LRRC4C: variants seen among roughly 807,000 people sequenced by gnomAD.
LRRC4C encodes the protein leucine-rich repeat-containing protein 4C.
LRRC4C carries 5 observed loss-of-function variants against 33.6 expected under a neutral mutation model. The observed-to-expected ratio is 0.15, with a 90% CI of 0.08 to 0.31. The LOEUF (loss-of-function observed/expected upper bound fraction) is 0.31. Ranked by LOEUF, LRRC4C falls within the 10% of genes least tolerant of loss-of-function variation. LRRC4C has a pLI of 1.00. For missense variants in LRRC4C, 560 were observed against 796.7 expected (o/e 0.70, Z 3.58); for synonymous variants, 329 against 302.0 (o/e 1.09, Z -0.93).
At chr11:40,871,712 C>A (rs1379706903) in intron 2 of LRRC4C, among the ~76,000 whole-genome samples, 7 of 152,140 alleles carry the variant, frequency 4.6e-5, no homozygotes, top group Non-Finnish European at 8.8e-5. Context: ...TCCCCACTCT[C>A]CTGCAGCTTC....
At chr11:41,404,564 C>CACA (rs375465500) in intron 1 of LRRC4C, among the ~76,000 whole-genome samples, 10,266 of 94,060 alleles carry the variant, frequency 0.11, 610 homozygotes, top group East Asian at 0.26. Context: ...ACACACACAC[C>CACA]CCCCGAGGTT....
At chr11:40,164,704 G>T (rs1165153706) in intron 5 of LRRC4C, among the ~76,000 whole-genome samples, 2 of 152,138 alleles carry the variant, frequency 1.3e-5, no homozygotes, top group African/African-American at 4.8e-5. Context: ...GGCAGGGAAG[G>T]GGGTCGGGGA....
At chr11:41,278,444 G>A (rs529549863) in intron 1 of LRRC4C, among the ~76,000 whole-genome samples, 2 of 152,256 alleles carry the variant, frequency 1.3e-5, no homozygotes, top group Admixed American at 1.3e-4. Flanking sequence ...CATTAAGTGA[G>A]GACTTACTGT....
chr11:40,137,346 A>AT (rs1368593259), intron 6 of LRRC4C, among the ~76,000 whole-genome samples: 2 of 151,938 alleles, frequency 1.3e-5, no homozygotes, highest in East Asian at 1.9e-4. Flanking sequence ...TTTTATTTTT[A>AT]TTTTTTTGCT....
chr11:41,060,409 C>T (rs1357292853), intron 1 of LRRC4C, among the ~76,000 whole-genome samples: 2 of 152,204 alleles, frequency 1.3e-5, no homozygotes, highest in African/African-American at 4.8e-5. Context: ...TCTCACACTT[C>T]TGGAGGCTTG....
chr11:40,679,976 G>A (rs896824229), intron 2 of LRRC4C, among the ~76,000 whole-genome samples: 4 of 152,284 alleles, frequency 2.6e-5, no homozygotes, highest in South Asian at 2.1e-4. Flanking sequence ...ACGCCAGCCC[G>A]TGAAAGCAGC....
intron 3 of LRRC4C, among the ~76,000 whole-genome samples, chr11:40,319,965 A>G (rs886571941): frequency 1.3e-5 from 2 of 152,068 alleles, no homozygotes; most frequent in Non-Finnish European, 2.9e-5. Context: ...AAATATATAC[A>G]TATATCTATT....
At chr11:40,366,045 T>C (rs1407529464) in intron 3 of LRRC4C, among the ~76,000 whole-genome samples, 1 of 152,026 alleles carries the variant, frequency 6.6e-6, no homozygotes, top group Non-Finnish European at 1.5e-5. Context: ...TAACCAACTA[T>C]CTCTATTACT....
intron 6 of LRRC4C, among the ~76,000 whole-genome samples, chr11:40,117,142 G>T (rs1205336897): frequency 6.6e-6 from 1 of 152,006 alleles, no homozygotes; most frequent in East Asian, 1.9e-4. Context: ...TCATTAGACT[G>T]ATCCCAGAGA....
chr11:40,632,129 C>A (rs1294678270), intron 3 of LRRC4C, among the ~76,000 whole-genome samples: 1 of 152,150 alleles, frequency 6.6e-6, no homozygotes, highest in African/African-American at 2.4e-5. Context: ...GTTCCTATCA[C>A]CTTATGCCCC....
chr11:41,103,161 T>C (rs1221740190), intron 1 of LRRC4C, among the ~76,000 whole-genome samples: 1 of 151,998 alleles, frequency 6.6e-6, no homozygotes, highest in South Asian at 2.1e-4. Context: ...TTTTTGTTTA[T>C]TATATGGCCT....
intron 3 of LRRC4C, among the ~76,000 whole-genome samples, chr11:40,566,086 G>GTTTTTTTTTTTTTTTTTTTTTTTATTTT (rs1957753771): frequency 1.6e-5 from 1 of 62,796 alleles, no homozygotes; most frequent in Admixed American, 2.1e-4. Context: ...TTTTTACTAA[G>GTTTTTTTTTTTTTTTTTTTTTTTATTTT]TTTTTTTTTT....
Position 40,210,044 on chromosome 11 carries a change from T to G in LRRC4C, c.-96+31475A>C, listed in dbSNP as rs1863467123. Among the ~76,000 whole-genome samples the G allele has an allele frequency of 3.3e-5, 5 of 152,246 alleles. No individual in the cohort carries two copies. The East Asian group carries it at 5.8e-4, about 18-fold the overall frequency. On this transcript the variant is annotated intron_variant, in intron 5 of 6. Transcript: ENST00000528697. ...ACAGGTTCAAGAGTGGGATGAAGAT[T>G]TCTATGTCTTCAAGAATGAAGACAA...
At chr11:40,850,065 G>A (rs1029619658) in intron 2 of LRRC4C, among the ~76,000 whole-genome samples, 1 of 151,734 alleles carries the variant, frequency 6.6e-6, no homozygotes, top group African/African-American at 2.4e-5. Context: ...TCCTTGCATT[G>A]GGTTAGAACA....
intron 1 of LRRC4C, among the ~76,000 whole-genome samples, chr11:41,213,378 A>C (rs1457280643): frequency 2.0e-5 from 3 of 152,228 alleles, no homozygotes; most frequent in South Asian, 4.1e-4. Flanking sequence ...TTTCTCAGAC[A>C]AACGTCTTCC....
chr11:41,105,395 C>T (rs527850392), intron 1 of LRRC4C, among the ~76,000 whole-genome samples: 20 of 152,132 alleles, frequency 1.3e-4, no homozygotes, highest in African/African-American at 4.3e-4. Context: ...CATCACTACG[C>T]ACATAATCTA....
intron 1 of LRRC4C, among the ~76,000 whole-genome samples, chr11:41,315,728 T>G (rs1233992671): frequency 6.6e-6 from 1 of 152,216 alleles, no homozygotes; most frequent in African/African-American, 2.4e-5. Context: ...TTTAAATCAC[T>G]AAGTTCTGAA....
chr11:41,289,617 A>G (rs909618574), intron 1 of LRRC4C, among the ~76,000 whole-genome samples: 1 of 152,310 alleles, frequency 6.6e-6, no homozygotes, highest in Non-Finnish European at 1.5e-5. Context: ...GAAGCAGGCC[A>G]TCCACAAGAC....
intron 3 of LRRC4C, among the ~76,000 whole-genome samples, chr11:40,494,470 T>C (rs1282011731): frequency 6.6e-6 from 1 of 152,174 alleles, no homozygotes; most frequent in East Asian, 1.9e-4. Flanking sequence ...AATTAACGAA[T>C]GTTGACATTT....
Sources: gnomAD v4.1 joint callset for allele counts (sites outside exome capture counted in the v4.1 genomes callset) on GRCh38, gnomAD v4.1.1 for gene constraint, MANE v1.5 for transcripts, NCBI Gene and HGNC (gene_info 2026-07-23, HGNC 2026-07-21) for gene names.